Variants in CD226 observed in about 807,000 individuals in gnomAD.
CD226 encodes CD226 molecule.
A neutral mutation model predicts 34.9 loss-of-function variants in CD226; 24 were observed. That is an observed-to-expected ratio of 0.69 (90% CI 0.50 to 0.97). The LOEUF is 0.97. Among genes scored for constraint, CD226 ranks in the 50% least tolerant of loss-of-function variants. CD226 has a pLI of 0.00. For missense variants in CD226, 397 were observed against 412.7 expected, an observed-to-expected ratio of 0.96 and a Z score of 0.33; for synonymous variants, 148 against 147.4, an observed-to-expected ratio of 1.00 and a Z score of -0.03.
chr18:69,906,094 T>C lies in CD226; in HGVS notation c.383-10049A>G, dbSNP rs547529963. On this transcript the variant is annotated intron_variant, in intron 2 of 5. Transcript: ENST00000582621. The stretch of plus-strand genomic sequence containing the variant: ...ATTACATTTCTTTGGTATTTCCAGA[T>C]GGCTTTGTGGAGAACAAATAAGTAC... Among the ~76,000 whole-genome samples the C allele has an allele frequency of 2.3e-3, 350 of 152,322 alleles. 1 individual carries two copies. Among genetic ancestry groups the C allele is most frequent in the African/African-American group, 8.1e-3 (336 of 41,578 alleles).
intron 3 of CD226, among the ~76,000 whole-genome samples, chr18:69,880,353 A>AAGGAAGGAAGGAAGGAAGG (rs1555678454): frequency 4.9e-4 from 58 of 118,642 alleles, no homozygotes; most frequent in African/African-American, 2.0e-3. Context: ...AGAAAGAAAG[A>AAGGAAGGAAGGAAGGAAGG]AAGAAAGGAA....
Position 69,946,834 on chromosome 18 carries a change from G to C in CD226, c.282C>G (p.Phe94Leu), listed in dbSNP as rs564043368. 1.5e-5 allele frequency: 25 copies of C among 1,614,006 alleles called. No homozygotes were observed. The highest frequency in any genetic ancestry group is 3.4e-6 in the Non-Finnish European group (4 of 1,180,020). Reference sequence around the variant, plus strand: ...CATCATCTTCAGAGGCATTCCGAAAGAAAAGAGTCATGTTATTGGAAGCCA... The same window carrying C: ...CATCATCTTCAGAGGCATTCCGAAACAAAAGAGTCATGTTATTGGAAGCCA... ...STMASNNMTL[F>L]FRNASEDDVG... is the part of the protein sequence containing the mutation. The change falls in exon 2 of 6, where the codon TTC becomes TTG. Residue 94 changes from phenylalanine (F) to leucine (L), a missense_variant. Transcript: ENST00000582621.
At chr18:69,930,165 T>G (rs1257765421) in intron 2 of CD226, among the ~76,000 whole-genome samples, 1 of 152,078 alleles carries the variant, frequency 6.6e-6, no homozygotes, top group Non-Finnish European at 1.5e-5. Flanking sequence ...TGACAAATAT[T>G]TTTTAAAAAA....
chr18:69,952,199 C>G (rs2055860296), upstream of CD226, among the ~76,000 whole-genome samples: 1 of 152,122 alleles, frequency 6.6e-6, no homozygotes, highest in South Asian at 2.1e-4. Context: ...CACATGTTCT[C>G]ACTTATAAAT....
rs148792997 is a variant in CD226 at position 69,914,866 on chromosome 18, C to A, written c.383-18821G>T. On this transcript the variant is annotated intron_variant, in intron 2 of 5. Transcript: ENST00000582621. Reference sequence around the variant, plus strand: ...AAGTAAATTGGCACAAGAAAACATCCAAAAAAATATTTTTTTACTATCTTA... The same window carrying A: ...AAGTAAATTGGCACAAGAAAACATCAAAAAAAATATTTTTTTACTATCTTA... Among the ~76,000 whole-genome samples, 545 of 152,120 alleles carry A rather than the reference C, an allele frequency of 3.6e-3. 7 individuals are homozygous for A. The highest frequency in any genetic ancestry group is 0.012 in the African/African-American group (513 of 41,504).
intron 2 of CD226, among the ~76,000 whole-genome samples, chr18:69,898,855 A>C (rs2145253974): frequency 6.6e-6 from 1 of 152,330 alleles, no homozygotes; most frequent in East Asian, 1.9e-4. Context: ...AGCCCACACA[A>C]ACAAGAGAAC....
rs372260355 is a variant in CD226, at chr18:69,902,223, C to T, written c.383-6178G>A. ...GACTGTTCTCTCTCTCACCTCTAAA[C>T]GGGATCTTTCTCCCATTCCTGAAAA... On this transcript the variant is annotated intron_variant, in intron 2 of 5. Coordinates refer to ENST00000582621, the MANE Select transcript of CD226 (RefSeq NM_001303618.2). 1.1e-4 allele frequency among the ~76,000 whole-genome samples: 17 copies of T among 152,232 alleles called. No homozygotes were observed. The South Asian group carries it at 1.9e-3, about 17-fold the overall frequency.
Position 69,862,934 on chromosome 18 carries a change from T to C in CD226, c.*1380A>G, listed in dbSNP as rs901133694. ...ATCTTTTAGACATGAATGATCACTA[T>C]ATTTAACAATAACCATTGTCCTTTC... On this transcript the variant is annotated 3_prime_UTR_variant, in exon 6 of 6. Transcript: ENST00000582621. 4 of 152,172 alleles carry C rather than the reference T, an allele frequency of 2.6e-5. No individual in the cohort carries two copies. The highest frequency in any genetic ancestry group is 4.4e-5 in the Non-Finnish European group (3 of 68,000). The allele number at this position is 152,172 out of a possible 1,614,324, so 9.4% of individuals were successfully genotyped here.
At chr18:69,933,849 C>T (rs191535073) in intron 2 of CD226, among the ~76,000 whole-genome samples, 2 of 152,142 alleles carry the variant, frequency 1.3e-5, no homozygotes, top group Non-Finnish European at 2.9e-5. Context: ...CAAAGAAACA[C>T]AATGTGAGTA....
rs192359196 is a variant in CD226 at position 69,899,385 on chromosome 18, A to C, written c.383-3340T>G. 2.4e-3 allele frequency among the ~76,000 whole-genome samples: 362 copies of C among 152,316 alleles called. 3 individuals are homozygous for C. The highest frequency in any genetic ancestry group is 8.0e-3 in the African/African-American group (333 of 41,566). On this transcript the variant is annotated intron_variant, in intron 2 of 5. Transcript: ENST00000582621. ...TTTTACTGTCAGCTTCGTAAACCCA[A>C]GCCTCTGTATAGCTAGACCATTTTA...
chr18:69,946,220 AAAGAAAGAC>A (rs1230931727), intron 2 of CD226, among the ~76,000 whole-genome samples: 4 of 150,420 alleles, frequency 2.7e-5, no homozygotes. Flanking sequence ...AAGGAAGAAG[AAAGAAAGAC>A]AGGAAAGAAA....
upstream of CD226, among the ~76,000 whole-genome samples, chr18:69,960,746 G>C (rs904789633): frequency 2.0e-5 from 3 of 152,182 alleles, no homozygotes; most frequent in South Asian, 6.2e-4. Flanking sequence ...CACTGTGCCT[G>C]GCCAGATACT....
chr18:69,945,951 A>C (rs1318685781), intron 2 of CD226, among the ~76,000 whole-genome samples: 2 of 152,172 alleles, frequency 1.3e-5, no homozygotes, highest in South Asian at 4.2e-4. Flanking sequence ...CTTATGCACT[A>C]TCATGAGGAC....
At chr18:69,890,927 G>A (rs1195516049) in intron 3 of CD226, among the ~76,000 whole-genome samples, 1 of 145,848 alleles carries the variant, frequency 6.9e-6, no homozygotes, top group East Asian at 2.1e-4. Context: ...ATCAATAAAT[G>A]ATTTAATTCT....
chr18:69,910,150 C>T, intron 2 of CD226, among the ~76,000 whole-genome samples: 1 of 152,132 alleles, frequency 6.6e-6, no homozygotes, highest in Non-Finnish European at 1.5e-5. Context: ...TGTTTTGATA[C>T]TCTTGGTGCA....
chr18:69,918,212 T>G (rs2055408815), intron 2 of CD226, among the ~76,000 whole-genome samples: 4 of 152,176 alleles, frequency 2.6e-5, no homozygotes, highest in Admixed American at 6.5e-5. Context: ...AATTACAAAT[T>G]CAGTTCAAAA....
At chr18:69,869,799 C>CTTTTTT (rs1002754140) in intron 4 of CD226, among the ~76,000 whole-genome samples, 7 of 121,682 alleles carry the variant, frequency 5.8e-5, no homozygotes, top group Non-Finnish European at 8.7e-5. Flanking sequence ...TCTTTTTTTT[C>CTTTTTT]TTTTTTTTTT....
chr18:69,959,930 G>T (rs1170363398), upstream of CD226, among the ~76,000 whole-genome samples: 2 of 152,166 alleles, frequency 1.3e-5, no homozygotes, highest in Non-Finnish European at 2.9e-5. Flanking sequence ...CAAGCCTCTA[G>T]AAGTAACCAG....
Position 69,864,359 on chromosome 18 carries a change from A to G in CD226, c.966T>C (p.Tyr322=). Residue 322 remains tyrosine, a synonymous_variant, in exon 6 of 6, where the codon TAT becomes TAC. Transcript: ENST00000582621. ...TGCGAGAGAAGGTTGGATAGTTGAC[A>G]TAAATATCCTCTCTTGTATCATCCA... ...QSMDDTREDI[Y]VNYPTFSRRP... is the part of the protein sequence containing the mutation. 2.5e-6 allele frequency: 4 copies of G among 1,613,204 alleles called. No homozygotes were observed. Among genetic ancestry groups the G allele is most frequent in the Non-Finnish European group, 3.4e-6 (4 of 1,179,236 alleles).
Sources: allele counts gnomAD v4.1 joint callset (sites outside exome capture counted in the v4.1 genomes callset), GRCh38; gene constraint gnomAD v4.1.1; transcripts MANE v1.5; gene names NCBI Gene and HGNC (gene_info 2026-07-23, HGNC 2026-07-21).